Variants in PAM observed in about 807,000 individuals in gnomAD.
PAM encodes peptidyl-glycine alpha-amidating monooxygenase.
PAM carries 72 observed loss-of-function variants against 122.1 expected under a neutral mutation model. The ratio of observed to expected loss-of-function variants is 0.59; its 90% confidence interval spans 0.49 to 0.72. The LOEUF (loss-of-function observed/expected upper bound fraction) is 0.72, where lower values mean the gene tolerates loss of function less well. PAM is among the 30% of genes least tolerant of loss of function. The pLI, the probability that PAM is intolerant of heterozygous loss-of-function variation, is 0.00. For missense variants in PAM, 1,106 were observed against 1,183.7 expected (o/e 0.93, Z 0.96); for synonymous variants, 389 against 404.4 (o/e 0.96, Z 0.46).
chr5:102,760,275 A>G (rs1398146714), intron 1 of PAM, among the ~76,000 whole-genome samples: 1 of 152,134 alleles, frequency 6.6e-6, no homozygotes, highest in African/African-American at 2.4e-5. Flanking sequence ...CATGGGGGGA[A>G]CTGAGTTTCA....
intron 7 of PAM, among the ~76,000 whole-genome samples, chr5:102,934,247 C>T (rs1752538534): frequency 6.6e-6 from 1 of 152,150 alleles, no homozygotes; most frequent in African/African-American, 2.4e-5. Context: ...ACATAAATAG[C>T]ACCATCTAAG....
intron 1 of PAM, among the ~76,000 whole-genome samples, chr5:102,787,169 G>C (rs1760757987): frequency 6.6e-6 from 1 of 152,048 alleles, no homozygotes; most frequent in South Asian, 2.1e-4. Flanking sequence ...CCTCAAAATA[G>C]TTTTACCATC....
At chr5:102,875,231 T>C (rs1788774154) in intron 3 of PAM, among the ~76,000 whole-genome samples, 1 of 151,900 alleles carries the variant, frequency 6.6e-6, no homozygotes, top group South Asian at 2.1e-4. Context: ...TCTCACTGTG[T>C]CACCCAGGCT....
chr5:102,924,907 T>C (rs1428916469), intron 5 of PAM, 50 bp from the exon 6 acceptor site: 6 of 964,072 alleles, frequency 6.2e-6, no homozygotes, highest in Non-Finnish European at 8.5e-6. Flanking sequence ...GAGCAATTTA[T>C]GCATTTCACT....
intron 5 of PAM, among the ~76,000 whole-genome samples, chr5:102,923,836 C>T (rs1380450003): frequency 2.0e-5 from 3 of 152,166 alleles, no homozygotes; most frequent in African/African-American, 7.2e-5. Context: ...TGTCTTTCTG[C>T]CTGGGTGCTC....
chr5:102,935,158 C>A (rs1375613478), intron 7 of PAM, among the ~76,000 whole-genome samples: 1 of 152,102 alleles, frequency 6.6e-6, no homozygotes, highest in African/African-American at 2.4e-5. Flanking sequence ...CACCTAATTC[C>A]TCCCCACCCC....
chr5:102,866,221 T>C lies in PAM; in HGVS notation c.26T>C (p.Leu9Pro), dbSNP rs1785508656. The C allele has an allele frequency of 6.2e-7, 1 of 1,613,624 alleles. No homozygotes were observed. The highest frequency in any genetic ancestry group is 1.3e-5 in the African/African-American group (1 of 75,072). MAGRVPSL[L>P]VLLVFPSSCL... Reference sequence around the variant, plus strand: ...ATGGCTGGCCGCGTCCCTAGCCTGCTAGTTCTCCTTGTTTTTCCAAGCAGC... The same window carrying C: ...ATGGCTGGCCGCGTCCCTAGCCTGCCAGTTCTCCTTGTTTTTCCAAGCAGC... Residue 9 changes from leucine to proline, a missense_variant, in exon 2 of 26, where the codon CTA becomes CCA. Physicochemically the swap from Leu to Pro is moderately conservative, Grantham distance 98. Transcript: ENST00000438793.
intron 1 of PAM, among the ~76,000 whole-genome samples, chr5:102,859,283 G>A (rs1212301527): frequency 6.6e-6 from 1 of 151,984 alleles, no homozygotes; most frequent in African/African-American, 2.4e-5. Flanking sequence ...GGGACAAGAT[G>A]TGGAGGTGAA....
chr5:102,794,447 T>C (rs1368185031), intron 1 of PAM, among the ~76,000 whole-genome samples: 3 of 152,246 alleles, frequency 2.0e-5, no homozygotes, highest in Non-Finnish European at 4.4e-5. Flanking sequence ...GAGATTTTTT[T>C]CATTCCTTTT....
chr5:102,768,868 C>G (rs560080224), intron 1 of PAM, among the ~76,000 whole-genome samples: 1 of 152,106 alleles, frequency 6.6e-6, no homozygotes, highest in East Asian at 1.9e-4. Context: ...CATATATACC[C>G]CAAAGAAAGG....
chr5:102,931,807 A>ACTCTCTCTCTCTCTCTCT (rs60775669), intron 7 of PAM, among the ~76,000 whole-genome samples: 1 of 141,350 alleles, frequency 7.1e-6, no homozygotes, highest in African/African-American at 2.7e-5. Flanking sequence ...CAAACAACAC[A>ACTCTCTCTCTCTCTCTCT]CTCTCTCTCT....
intron 24 of PAM, among the ~76,000 whole-genome samples, chr5:103,027,906 T>C (rs565920132): frequency 6.6e-6 from 1 of 152,346 alleles, no homozygotes; most frequent in Admixed American, 6.5e-5. Flanking sequence ...GGATTCTCCT[T>C]GACCTTTCTT....
chr5:102,975,148 A>T (rs1312534840), intron 15 of PAM, among the ~76,000 whole-genome samples: 1 of 152,030 alleles, frequency 6.6e-6, no homozygotes, highest in South Asian at 2.1e-4. Context: ...GGCCTCTGTG[A>T]TATTGATTGC....
intron 1 of PAM, among the ~76,000 whole-genome samples, chr5:102,805,799 A>G (rs1202190113): frequency 1.3e-5 from 2 of 152,202 alleles, no homozygotes; most frequent in Non-Finnish European, 2.9e-5. Context: ...CAGTGTTGCA[A>G]ATTAAGAGGA....
Position 103,029,099 on chromosome 5 carries a change from A to T in PAM, c.*34A>T. 1 of 1,549,326 alleles carries T rather than the reference A, an allele frequency of 6.5e-7. No individual in the cohort carries two copies. The highest frequency in any genetic ancestry group is 1.2e-5 in the South Asian group (1 of 83,780). ...CTTTGATTTAGATTGAGTAAGATTT[A>T]CCCAGAATGTCAGATTCCTTTCCCT... is the stretch of plus-strand genomic sequence containing the variant. On this transcript the variant is annotated 3_prime_UTR_variant, in exon 26 of 26. Coordinates refer to ENST00000438793, the MANE Select transcript of PAM (RefSeq NM_001177306.2).
chr5:103,011,636 TAC>T (rs1281878441), intron 21 of PAM, among the ~76,000 whole-genome samples: 3 of 152,230 alleles, frequency 2.0e-5, no homozygotes, highest in African/African-American at 7.2e-5. Flanking sequence ...TGTGTATATG[TAC>T]CACATTTTCT....
chr5:103,008,478 A>G (rs1272243590), intron 20 of PAM, among the ~76,000 whole-genome samples: 1 of 152,172 alleles, frequency 6.6e-6, no homozygotes. Context: ...AAATGAGATC[A>G]ATAACGAGGA....
At chr5:102,810,323 G>A (rs996101) in intron 1 of PAM, among the ~76,000 whole-genome samples, 3,824 of 152,258 alleles carry the variant, frequency 0.025, 94 homozygotes, top group East Asian at 0.14. Context: ...GCTTGAATCA[G>A]GGAGTAGTTC....
In PAM at chr5:102,906,267, T is replaced by C. The variant is rs866544825; in HGVS notation, c.268+4854T>C. On this transcript the variant is annotated intron_variant, in intron 4 of 25. Transcript: ENST00000438793. The stretch of plus-strand genomic sequence containing the variant: ...TTTAATGGAGAAATGTTAAAATCCT[T>C]CATTCCCCCAACCTACCACCTCCTC... Among the ~76,000 whole-genome samples the C allele has an allele frequency of 4.6e-5, 7 of 151,822 alleles. No individual in the cohort carries two copies. The South Asian group carries it at 1.0e-3, about 23-fold the overall frequency.
Sources: gnomAD v4.1 joint callset for allele counts (sites outside exome capture counted in the v4.1 genomes callset) on GRCh38, gnomAD v4.1.1 for gene constraint, MANE v1.5 for transcripts, NCBI Gene and HGNC (gene_info 2026-07-23, HGNC 2026-07-21) for gene names.